The following NETO1 variants were observed in gnomAD, a reference collection of about 807,000 sequenced individuals.
The protein encoded by NETO1 is neuropilin and tolloid like 1.
A neutral mutation model predicts 61.3 loss-of-function variants in NETO1; 26 were observed. The ratio of observed to expected loss-of-function variants is 0.42; its 90% CI spans 0.31 to 0.59. The LOEUF is 0.59. NETO1 is among the 20% of genes least tolerant of loss of function. NETO1 has a pLI of 0.12. For synonymous variants in NETO1, 225 were observed against 225.8 expected (o/e 1.00, Z 0.03); for missense variants, 531 against 662.8 (o/e 0.80, Z 2.18).
At chr18:72,836,798 C>T (rs539199189) in intron 4 of NETO1, among the ~76,000 whole-genome samples, 1 of 152,134 alleles carries the variant, frequency 6.6e-6, no homozygotes, top group Admixed American at 6.5e-5. Flanking sequence ...GGGATGGATA[C>T]AATCAGATTT....
At chr18:72,858,143 C>A (rs1350306541) in intron 4 of NETO1, among the ~76,000 whole-genome samples, 1 of 152,000 alleles carries the variant, frequency 6.6e-6, no homozygotes, top group Non-Finnish European at 1.5e-5. Context: ...AATGTGATAT[C>A]CTATTTTTAT....
chr18:72,823,286 G>A (rs2073265135), intron 4 of NETO1, among the ~76,000 whole-genome samples: 1 of 152,168 alleles, frequency 6.6e-6, no homozygotes, highest in Non-Finnish European at 1.5e-5. Context: ...GATAAGCAAT[G>A]AGTGCTTTGG....
intron 4 of NETO1, among the ~76,000 whole-genome samples, chr18:72,819,351 C>T (rs1377929500): frequency 6.6e-6 from 1 of 152,096 alleles, no homozygotes; most frequent in Non-Finnish European, 1.5e-5. Context: ...ATCTGCCTTT[C>T]CTTGTGTTAC....
intron 7 of NETO1, among the ~76,000 whole-genome samples, chr18:72,771,560 G>A (rs72964307): frequency 0.023 from 3,534 of 152,094 alleles, 35 homozygotes; most frequent in Non-Finnish European, 0.029. Flanking sequence ...AAGAATGAAA[G>A]GAGGAATATA....
At chr18:72,763,725 C>T (rs951662002) in intron 7 of NETO1, among the ~76,000 whole-genome samples, 18 of 152,230 alleles carry the variant, frequency 1.2e-4, no homozygotes, top group Admixed American at 3.9e-4. Flanking sequence ...ATTCCCTGAT[C>T]TTTAATTTGA....
chr18:72,767,382 C>T (rs995205580), intron 7 of NETO1, among the ~76,000 whole-genome samples: 1 of 152,094 alleles, frequency 6.6e-6, no homozygotes, highest in Non-Finnish European at 1.5e-5. Flanking sequence ...TGCCTTTATT[C>T]TTGTCCAAGT....
chr18:72,819,039 A>AT (rs538368023), intron 4 of NETO1, among the ~76,000 whole-genome samples: 264 of 152,214 alleles, frequency 1.7e-3, no homozygotes, highest in African/African-American at 6.3e-3. Context: ...GCTGTCCTTT[A>AT]TTTTTTTAAT....
chr18:72,753,319 T>C (rs995329053), intron 8 of NETO1, among the ~76,000 whole-genome samples: 2 of 150,764 alleles, frequency 1.3e-5, no homozygotes, highest in Non-Finnish European at 2.9e-5. Context: ...ACCTGAGTTA[T>C]CATCAGTGGA....
chr18:72,838,317 G>A (rs187961105), intron 4 of NETO1, among the ~76,000 whole-genome samples: 85 of 152,324 alleles, frequency 5.6e-4, no homozygotes, highest in African/African-American at 2.0e-3. Context: ...AGAGGACATA[G>A]TTATGTGAGC....
chr18:72,816,354 A>G (rs1186161982), intron 4 of NETO1, among the ~76,000 whole-genome samples: 8 of 152,186 alleles, frequency 5.3e-5, no homozygotes, highest in Admixed American at 5.2e-4. Context: ...GAACTGGACT[A>G]CTTATGTTGT....
rs10672110 is a variant in NETO1, at chr18:72,821,234, T to TAAAAAAAAAAAAAAAAA, written c.470-26847_470-26831dup. ...TAAGCATTCTCTTCTTCATATTAAC[T>TAAAAAAAAAAAAAAAAA]AAAAAAAAAAAAAAAAAAAAAAATG... On this transcript the variant is annotated intron_variant, in intron 4 of 10. Transcript: ENST00000327305. 3.7e-4 allele frequency among the ~76,000 whole-genome samples: 30 copies of TAAAAAAAAAAAAAAAAA among 80,206 alleles called. 1 individual carries two copies. The highest frequency in any genetic ancestry group is 6.1e-4 in the Non-Finnish European group (26 of 42,644). 52.6% of individuals were successfully genotyped at this position (80,206 alleles called of 152,430 possible). A position where few individuals can be genotyped will look rare whatever the true frequency, so the allele number is the denominator to read the frequency against.
chr18:72,809,839 A>G lies in NETO1; in HGVS notation c.470-15435T>C, dbSNP rs187017638. ...AATTTCCTAACATAGTTTTTTCTGC[A>G]TACTGCAAATATCAAAGTGATGATA... On this transcript the variant is annotated intron_variant, in intron 4 of 10. Coordinates refer to ENST00000327305, the MANE Select transcript of NETO1 (RefSeq NM_138966.5). Among the ~76,000 whole-genome samples, 389 of 152,352 alleles carry G rather than the reference A, an allele frequency of 2.6e-3. 2 individuals carry two copies. Among genetic ancestry groups the G allele is most frequent in the Non-Finnish European group, 4.7e-3 (322 of 68,036 alleles).
At chr18:72,801,225 T>C (rs922439537) in intron 4 of NETO1, among the ~76,000 whole-genome samples, 4 of 151,822 alleles carry the variant, frequency 2.6e-5, no homozygotes, top group African/African-American at 7.2e-5. Flanking sequence ...ACGTGGAGTA[T>C]AGACAGCATT....
At chr18:72,767,724 C>CAGGAAGGAAGGGAGGTAAG (rs2071212729) in intron 7 of NETO1, among the ~76,000 whole-genome samples, 1 of 150,636 alleles carries the variant, frequency 6.6e-6, no homozygotes, top group South Asian at 2.1e-4. Flanking sequence ...TTAAAAAAAA[C>CAGGAAGGAAGGGAGGTAAG]AGGAAGGAAG....
chr18:72,772,819 CTCTCTCTATATA>C (rs1259416865), intron 7 of NETO1, among the ~76,000 whole-genome samples: 12 of 52,602 alleles, frequency 2.3e-4, no homozygotes, highest in East Asian at 7.4e-4. Flanking sequence ...CTCTCTCTCT[CTCTCTCTATATA>C]TATATATATA....
chr18:72,826,887 C>T (rs1240887914), intron 4 of NETO1, among the ~76,000 whole-genome samples: 1 of 152,148 alleles, frequency 6.6e-6, no homozygotes, highest in Admixed American at 6.5e-5. Context: ...AAGCATGACA[C>T]ACTGAGCTGA....
intron 4 of NETO1, among the ~76,000 whole-genome samples, chr18:72,794,939 C>A (rs116609861): frequency 1.1e-3 from 168 of 152,278 alleles, no homozygotes; most frequent in African/African-American, 3.8e-3. Context: ...TCTCCTTTGG[C>A]GGACTGAACA....
intron 4 of NETO1, among the ~76,000 whole-genome samples, chr18:72,825,386 AC>A (rs1178575180): frequency 3.9e-5 from 6 of 152,066 alleles, no homozygotes; most frequent in African/African-American, 1.4e-4. Flanking sequence ...ATAACCCTTC[AC>A]CTTTTCTAAT....
chr18:72,821,341 G>A (rs530852877), intron 4 of NETO1, among the ~76,000 whole-genome samples: 55 of 150,222 alleles, frequency 3.7e-4, no homozygotes, highest in Middle Eastern at 3.5e-3. Flanking sequence ...TCGGGAGTTC[G>A]AGACCAGCCT....
Sources: allele counts gnomAD v4.1 joint callset (sites outside exome capture counted in the v4.1 genomes callset), GRCh38; gene constraint gnomAD v4.1.1; transcripts MANE v1.5; gene names NCBI Gene and HGNC (gene_info 2026-07-23, HGNC 2026-07-21).